USP47: variants seen among roughly 807,000 people sequenced by gnomAD.
USP47 encodes the protein ubiquitin specific peptidase 47.
Under a neutral mutation model 165.1 loss-of-function variants are expected in USP47, and 35 were observed. The observed-to-expected ratio is 0.21, with a 90% CI of 0.16 to 0.28. The LOEUF (loss-of-function observed/expected upper bound fraction) is 0.28, where lower values mean the gene tolerates loss of function less well. USP47 is among the 10% of genes least tolerant of loss of function. USP47 has a pLI of 1.00. For synonymous variants in USP47, 531 were observed against 544.5 expected (o/e 0.98, Z 0.35); for missense variants, 1,277 against 1,607.4 (o/e 0.79, Z 3.52).
intron 1 of USP47, among the ~76,000 whole-genome samples, chr11:11,866,989 C>A (rs1343355406): frequency 6.6e-6 from 1 of 152,084 alleles, no homozygotes; most frequent in Non-Finnish European, 1.5e-5. Context: ...CTTCTGCCTC[C>A]CAGGTTCAAG....
chr11:11,947,386 T>C (rs1230872015), intron 20 of USP47, among the ~76,000 whole-genome samples: 2 of 152,170 alleles, frequency 1.3e-5, no homozygotes, highest in South Asian at 2.1e-4. Context: ...GTCGTGACTT[T>C]TTTTCTAGTG....
At chr11:11,906,319 A>G (rs540726808) in intron 8 of USP47, among the ~76,000 whole-genome samples, 28 of 152,274 alleles carry the variant, frequency 1.8e-4, no homozygotes, top group African/African-American at 6.5e-4. Flanking sequence ...GCTAAATAAG[A>G]TATCTTTAAA....
intron 20 of USP47, among the ~76,000 whole-genome samples, chr11:11,944,418 A>G (rs561369079): frequency 6.2e-4 from 94 of 152,308 alleles, no homozygotes; most frequent in Middle Eastern, 3.4e-3. Context: ...ATTCATACAT[A>G]TATCTTGCAG....
At chr11:11,891,845 A>G in intron 3 of USP47, 123 bp from the exon 4 acceptor site, 1 of 1,205,966 alleles carries the variant, frequency 8.3e-7, no homozygotes. Context: ...GGAAGGGGGC[A>G]TGAGCACCTT....
At chr11:11,922,923 A>G (rs1299128450) in intron 11 of USP47, 32 bp downstream of exon 11, 3 of 1,590,580 alleles carry the variant, frequency 1.9e-6, no homozygotes, top group Admixed American at 1.7e-5. Flanking sequence ...TTTTAGTTGA[A>G]AGTGAGAATA....
chr11:11,948,734 A>G, intron 22 of USP47, 176 bp downstream of exon 22: 2 of 559,074 alleles, frequency 3.6e-6, no homozygotes. Flanking sequence ...TTCTGCTATT[A>G]TAGCACAAGG....
chr11:11,887,445 CAG>C (rs1851234127), intron 3 of USP47, among the ~76,000 whole-genome samples: 1 of 152,048 alleles, frequency 6.6e-6, no homozygotes, highest in Non-Finnish European at 1.5e-5. Context: ...TCTGACAAAA[CAG>C]AGTTTACACC....
chr11:11,905,398 G>A lies in USP47; in HGVS notation c.820-1G>A. 1.3e-6 allele frequency: 2 copies of A among 1,565,590 alleles called. No homozygotes were observed. The highest frequency in any genetic ancestry group is 1.7e-6 in the Non-Finnish European group (2 of 1,150,624). On this transcript the variant is annotated splice_acceptor_variant, in intron 7 of 27. Coordinates refer to ENST00000527733, the MANE Select transcript of USP47 (RefSeq NM_001282659.2). LOFTEE classifies it high-confidence loss of function. ...TAAAAATGTAAATATTTTATTTTTA[G>A]GCTGATCTTATAAATGAGCTATATC...
At chr11:11,932,558 G>A (rs576804683) in intron 14 of USP47, among the ~76,000 whole-genome samples, 43 of 152,216 alleles carry the variant, frequency 2.8e-4, no homozygotes, top group African/African-American at 7.5e-4. Context: ...TATTTATTAA[G>A]TTTTATTGTA....
chr11:11,929,149 TTTAA>T (rs1255348706), intron 11 of USP47, among the ~76,000 whole-genome samples: 2 of 152,122 alleles, frequency 1.3e-5, no homozygotes, highest in Non-Finnish European at 2.9e-5. Context: ...TAGACTATTA[TTTAA>T]TTTTTACATA....
At position 11,947,939 on chromosome 11, in the gene USP47, G is replaced by A. The variant is rs746053485; in HGVS notation, c.3092-6G>A. 15 of 1,578,914 alleles carry A rather than the reference G, an allele frequency of 9.5e-6. No homozygotes were observed. The African/African-American group carries it at 1.1e-4, about 12-fold the overall frequency. On this transcript the variant is annotated splice_polypyrimidine_tract_variant and splice_region_variant and intron_variant, in intron 20 of 27. Transcript: ENST00000527733. Reference sequence around the variant, plus strand: ...GTTCCTGTTTTGGTTTTTTTTTTGTGCTTAGGGTTGATGGTGCATGTTGAT... The same window carrying A: ...GTTCCTGTTTTGGTTTTTTTTTTGTACTTAGGGTTGATGGTGCATGTTGAT...
intron 11 of USP47, 108 bp downstream of exon 11, chr11:11,922,999 A>C: frequency 1.1e-6 from 1 of 872,032 alleles, no homozygotes. Flanking sequence ...AAAGAAACTT[A>C]ATTTTTGAAA....
intron 4 of USP47, among the ~76,000 whole-genome samples, chr11:11,894,895 A>T (rs1001916216): frequency 2.0e-5 from 3 of 150,086 alleles, no homozygotes; most frequent in African/African-American, 7.6e-5. Flanking sequence ...AATTTTGCAT[A>T]TTTTTATCTT....
At chr11:11,899,694 A>G (rs775889005) in intron 5 of USP47, among the ~76,000 whole-genome samples, 7 of 152,146 alleles carry the variant, frequency 4.6e-5, no homozygotes, top group Non-Finnish European at 8.8e-5. Context: ...CCAGAAGTGT[A>G]AAGGTCTTCA....
chr11:11,916,662 A>G (rs1040697773), intron 8 of USP47, among the ~76,000 whole-genome samples: 1 of 152,150 alleles, frequency 6.6e-6, no homozygotes, highest in African/African-American at 2.4e-5. Context: ...TCAGAAAAAA[A>G]AAATTGAAAG....
At chr11:11,850,390 T>C (rs1848657841) in intron 1 of USP47, among the ~76,000 whole-genome samples, 1 of 138,544 alleles carries the variant, frequency 7.2e-6, no homozygotes, top group Non-Finnish European at 1.5e-5. Flanking sequence ...CTATAATATG[T>C]ATAGTTTCCA....
chr11:11,880,474 C>A, intron 2 of USP47, 94 bp downstream of exon 2: 1 of 1,015,434 alleles, frequency 9.8e-7, no homozygotes, highest in Non-Finnish European at 1.3e-6. Context: ...CTCTTAAAAT[C>A]ATAAACAAAA....
intron 1 of USP47, among the ~76,000 whole-genome samples, chr11:11,846,184 G>A (rs1279919375): frequency 6.6e-6 from 1 of 152,056 alleles, no homozygotes; most frequent in Non-Finnish European, 1.5e-5. Flanking sequence ...ATTGATTTCT[G>A]CTTTGAGGTC....
intron 4 of USP47, among the ~76,000 whole-genome samples, chr11:11,893,929 C>T (rs1225172694): frequency 1.3e-5 from 2 of 152,042 alleles, no homozygotes; most frequent in Admixed American, 6.5e-5. Context: ...TATTGTGCAG[C>T]TTTAATGGTT....
Sources: allele counts gnomAD v4.1 joint callset (sites outside exome capture counted in the v4.1 genomes callset), GRCh38; gene constraint gnomAD v4.1.1; transcripts MANE v1.5; gene names NCBI Gene and HGNC (gene_info 2026-07-23, HGNC 2026-07-21).